BBOF1: variants seen among roughly 807,000 people sequenced by gnomAD.
BBOF1 encodes the protein basal body-orientation factor 1.
BBOF1 carries 62 observed loss-of-function variants against 68.0 expected under a neutral mutation model. The observed-to-expected ratio is 0.91, with a 90% CI of 0.74 to 1.13. BBOF1 has a LOEUF of 1.13. Among genes scored for constraint, BBOF1 ranks in the 50% most tolerant of loss-of-function variants. BBOF1 has a pLI of 0.00. For synonymous variants in BBOF1, 208 were observed against 198.8 expected (o/e 1.05, Z -0.39); for missense variants, 534 against 600.1 (o/e 0.89, Z 1.15).
chr14:74,036,254 G>T (rs993850760), intron 4 of BBOF1, among the ~76,000 whole-genome samples: 1 of 151,766 alleles, frequency 6.6e-6, no homozygotes, highest in Non-Finnish European at 1.5e-5. Context: ...ACAAAGTTTT[G>T]CCACATTAGC....
At chr14:74,037,345 G>A (rs1187500405) in intron 4 of BBOF1, among the ~76,000 whole-genome samples, 1 of 142,472 alleles carries the variant, frequency 7.0e-6, no homozygotes, top group African/African-American at 2.6e-5. Flanking sequence ...AGGCTGGAGT[G>A]CAGTGGTGTA....
At chr14:74,069,101 CTTTTTTTTT>C (rs900873855), downstream of BBOF1, 4 of 461,256 alleles carry the variant, frequency 8.7e-6, no homozygotes, top group Non-Finnish European at 9.9e-6. Context: ...TTTACTTTTT[CTTTTTTTTT>C]TTTTTTTTTT....
At chr14:74,021,967 G>A (rs1258186772) in intron 1 of BBOF1, among the ~76,000 whole-genome samples, 1 of 151,950 alleles carries the variant, frequency 6.6e-6, no homozygotes, top group Non-Finnish European at 1.5e-5. Context: ...GGAGATCACA[G>A]TTATACTACC....
chr14:74,040,576 T>C lies in BBOF1; in HGVS notation c.507T>C (p.Asn169=). The change falls in exon 5 of 12, where the codon AAT becomes AAC. Residue 169 remains asparagine (N), a synonymous_variant. Transcript: ENST00000394009. ...VERELDDLKE[N]LRNTERIHQE... Reference sequence around the variant, plus strand: ...TATTTTAATTTTAGCTGAAAGAGAATTTAAGAAACACAGAGCGGATACATC... The same window carrying C: ...TATTTTAATTTTAGCTGAAAGAGAACTTAAGAAACACAGAGCGGATACATC... 1 of 1,575,396 alleles carries C rather than the reference T, an allele frequency of 6.3e-7. No individual in the cohort carries two copies. Among genetic ancestry groups the C allele is most frequent in the South Asian group, 1.2e-5 (1 of 83,136 alleles).
At chr14:74,071,939 C>T (rs2139791786) in intron 9 of BBOF1, 1 of 1,614,210 alleles carries the variant, frequency 6.2e-7, no homozygotes, top group Non-Finnish European at 8.5e-7. Flanking sequence ...CTAGGGTCTT[C>T]CCTTGTTCCA....
Position 74,057,177 on chromosome 14 carries a change from C to T in BBOF1, c.1497C>T (p.Ile499=), listed in dbSNP as rs1229910564. ...GTAAGCTTCAAGATAAAATCTTCAT[C>T]ACCCAGCAAATTGCAATATCAGACT... is the stretch of plus-strand genomic sequence containing the variant. ...DESKLQDKIF[I]TQQIAISDSS... Residue 499 remains isoleucine (I), a synonymous_variant, in exon 11 of 12, where the codon ATC becomes ATT. Transcript: ENST00000394009. 2 of 1,613,246 alleles carry T rather than the reference C, an allele frequency of 1.2e-6. No individual in the cohort carries two copies. Among genetic ancestry groups the T allele is most frequent in the Non-Finnish European group, 1.7e-6 (2 of 1,179,500 alleles).
Position 74,057,503 on chromosome 14 carries a change from A to G in BBOF1, c.1578+245A>G. 2.9e-6 allele frequency: 4 copies of G among 1,389,720 alleles called. No homozygotes were observed. The Admixed American group carries it at 8.5e-5, about 30-fold the overall frequency. 86.1% of individuals were successfully genotyped at this position (1,389,720 alleles called of 1,614,324 possible). On this transcript the variant is annotated intron_variant, in intron 11 of 11. Transcript: ENST00000394009. Reference sequence around the variant, plus strand: ...TAGAAACCTATAGGTTGCCTTTTGAAGTAAACAGCCTAGCCAAAATGTGTA... The same window carrying G: ...TAGAAACCTATAGGTTGCCTTTTGAGGTAAACAGCCTAGCCAAAATGTGTA...
intron 4 of BBOF1, among the ~76,000 whole-genome samples, chr14:74,036,534 A>G (rs2059703099): frequency 6.6e-6 from 1 of 152,000 alleles, no homozygotes; most frequent in South Asian, 2.1e-4. Flanking sequence ...AAATCCAAAA[A>G]TTAGTCGGGC....
chr14:74,053,063 A>G (rs2060105359), intron 8 of BBOF1, among the ~76,000 whole-genome samples: 1 of 152,040 alleles, frequency 6.6e-6, no homozygotes, highest in Non-Finnish European at 1.5e-5. Context: ...AAATTTTTTA[A>G]AAAATGAAGT....
At chr14:74,047,547 C>T (rs2059978445) in intron 6 of BBOF1, among the ~76,000 whole-genome samples, 1 of 152,096 alleles carries the variant, frequency 6.6e-6, no homozygotes, top group South Asian at 2.1e-4. Context: ...GGTTCTCCTT[C>T]CTCAGCTTCC....
downstream of BBOF1, among the ~76,000 whole-genome samples, chr14:74,069,814 C>A (rs894841691): frequency 6.7e-6 from 1 of 149,616 alleles, no homozygotes; most frequent in Admixed American, 6.6e-5. Flanking sequence ...TGATTTTTCT[C>A]ATTTGCTATT....
At chr14:74,026,792 G>C (rs990464636) in intron 2 of BBOF1, among the ~76,000 whole-genome samples, 2 of 151,894 alleles carry the variant, frequency 1.3e-5, no homozygotes, top group African/African-American at 4.8e-5. Flanking sequence ...GGGTGTGGTA[G>C]TGTGCACCTG....
chr14:74,057,133 C>A lies in BBOF1; in HGVS notation c.1464-11C>A. 6.2e-7 allele frequency: 1 copy of A among 1,606,488 alleles called. No homozygotes were observed. Among genetic ancestry groups the A allele is most frequent in the South Asian group, 1.1e-5 (1 of 90,508 alleles). On this transcript the variant is annotated splice_polypyrimidine_tract_variant and intron_variant, in intron 10 of 11. Coordinates refer to ENST00000394009, the MANE Select transcript of BBOF1 (RefSeq NM_025057.3). ...GTTGTTGACGGTTCTGTTATTTTGT[C>A]ATTATTGCAGGGATGAAAGTAAGCT...
intron 9 of BBOF1, chr14:74,071,401 G>A (rs2139790068): frequency 1.2e-6 from 2 of 1,614,180 alleles, no homozygotes; most frequent in East Asian, 2.2e-5. Context: ...CACTCCCAGA[G>A]GCAGACGGTA....
At position 74,062,780 on chromosome 14, in the gene BBOF1, C is replaced by T. The variant is rs142047519; in HGVS notation, c.1579-1908C>T. On this transcript the variant is annotated intron_variant, in intron 11 of 11. Coordinates refer to ENST00000394009, the MANE Select transcript of BBOF1 (RefSeq NM_025057.3). ...TAAAATAAAAAAGCCCCACATCCCTCGCCCTGTGGCAGCACATAGCTGGCA... is the reference window on the plus strand; with the variant it reads ...TAAAATAAAAAAGCCCCACATCCCTTGCCCTGTGGCAGCACATAGCTGGCA... Among the ~76,000 whole-genome samples, 808 of 152,176 alleles carry T rather than the reference C, an allele frequency of 5.3e-3. 1 individual carries two copies. The highest frequency in any genetic ancestry group is 0.018 in the African/African-American group (747 of 41,542).
chr14:74,064,637 C>T (rs1402888073), intron 11 of BBOF1, 51 bp from the exon 12 acceptor site: 1 of 1,586,858 alleles, frequency 6.3e-7, no homozygotes, highest in South Asian at 1.1e-5. Context: ...TTGAATTATT[C>T]AGGAAGAAGC....
At chr14:74,032,368 C>A (rs1467968709) in intron 3 of BBOF1, among the ~76,000 whole-genome samples, 1 of 151,558 alleles carries the variant, frequency 6.6e-6, no homozygotes, top group Non-Finnish European at 1.5e-5. Context: ...CTCAAGTGAT[C>A]CACCTGCCTT....
chr14:74,050,013 C>T lies in BBOF1; in HGVS notation c.1104C>T (p.His368=). The change falls in exon 8 of 12, where the codon CAC becomes CAT. Residue 368 remains histidine (H), a synonymous_variant. Coordinates refer to ENST00000394009, the MANE Select transcript of BBOF1 (RefSeq NM_025057.3). The stretch of plus-strand genomic sequence containing the variant: ...AAAGATTCTTTTTAGATGCTCTGCA[C>T]CAAGTGAAGCAACAGATCCTAATTA... ...EVERFFLDAL[H]QVKQQILISR... 6.2e-7 allele frequency: 1 copy of T among 1,614,060 alleles called. No individual in the cohort carries two copies. The highest frequency in any genetic ancestry group is 8.5e-7 in the Non-Finnish European group (1 of 1,180,024).
At chr14:74,031,136 C>T (rs1164277293) in intron 3 of BBOF1, among the ~76,000 whole-genome samples, 2 of 144,978 alleles carry the variant, frequency 1.4e-5, no homozygotes, top group African/African-American at 5.1e-5. Context: ...TTTTTTGAGA[C>T]AGGGTCTCCC....
Sources: allele counts gnomAD v4.1 joint callset (sites outside exome capture counted in the v4.1 genomes callset), GRCh38; gene constraint gnomAD v4.1.1; transcripts MANE v1.5; gene names NCBI Gene and HGNC (gene_info 2026-07-23, HGNC 2026-07-21).